Variants in GPSM2 observed in about 807,000 individuals in gnomAD.
GPSM2 encodes the protein G protein signaling modulator 2, also known as G protein-signaling modulator 2.
GPSM2 carries 58 observed loss-of-function variants against 78.4 expected under a neutral mutation model. The observed-to-expected ratio is 0.74, with a 90% CI of 0.60 to 0.92. The LOEUF (loss-of-function observed/expected upper bound fraction) is 0.92, where lower values mean the gene tolerates loss of function less well. Among genes scored for constraint, GPSM2 ranks in the 40% least tolerant of loss-of-function variants. The probability of loss-of-function intolerance (pLI) is 0.00; values close to 1 mark genes in which losing one functional copy is unlikely to be tolerated. For synonymous variants in GPSM2, 224 were observed against 280.2 expected, an observed-to-expected ratio of 0.80 and a Z score of 2.00; for missense variants, 700 against 815.5, an observed-to-expected ratio of 0.86 and a Z score of 1.73.
At chr1:108,912,523 C>T (rs1288064688) in intron 10 of GPSM2, among the ~76,000 whole-genome samples, 7 of 150,178 alleles carry the variant, frequency 4.7e-5, no homozygotes, top group African/African-American at 1.5e-4. Context: ...GCAGGAGGAT[C>T]GCTTGCATCC....
intron 1 of GPSM2, among the ~76,000 whole-genome samples, chr1:108,878,498 A>G (rs1665740628): frequency 6.6e-6 from 1 of 152,238 alleles, no homozygotes; most frequent in South Asian, 2.1e-4. Context: ...TCGGTGTTAC[A>G]AACATATTTT....
chr1:108,929,555 G>A (rs1451165321), intron 14 of GPSM2, 146 bp from the exon 15 acceptor site: 1 of 722,302 alleles, frequency 1.4e-6, no homozygotes, highest in Non-Finnish European at 2.4e-6. Flanking sequence ...GAACTAAAGA[G>A]AACAATATAA....
chr1:108,911,910 A>G (rs1649780099), intron 10 of GPSM2, among the ~76,000 whole-genome samples: 1 of 151,390 alleles, frequency 6.6e-6, no homozygotes, highest in Non-Finnish European at 1.5e-5. Context: ...GGCTCAAGCA[A>G]TCTGCCCACC....
Position 108,918,725 on chromosome 1 carries a change from C to T in GPSM2, c.1376C>T (p.Ser459Phe). Residue 459 changes from serine to phenylalanine, a missense_variant, in exon 12 of 15, where the codon TCC becomes TTC. Transcript: ENST00000264126. ...RLKGKKYKTN[S>F]STKVLQDASN... ...AAGGGGAAAAAATACAAAACGAATT[C>T]CTCCACTAAAGTTCTCCAAGATGCC... 4 of 1,613,242 alleles carry T rather than the reference C, an allele frequency of 2.5e-6. No individual in the cohort carries two copies. Among genetic ancestry groups the T allele is most frequent in the Non-Finnish European group, 3.4e-6 (4 of 1,179,252 alleles).
At chr1:108,924,581 G>A (rs1347542711) in intron 14 of GPSM2, among the ~76,000 whole-genome samples, 2 of 152,098 alleles carry the variant, frequency 1.3e-5, no homozygotes, top group Non-Finnish European at 2.9e-5. Flanking sequence ...TTTTAGGTAG[G>A]GTGGTTAGAG....
intron 14 of GPSM2, among the ~76,000 whole-genome samples, chr1:108,927,536 G>A (rs1398489051): frequency 6.6e-6 from 1 of 152,172 alleles, no homozygotes; most frequent in Non-Finnish European, 1.5e-5. Context: ...ACCATTCAGT[G>A]GGGGAAAAGA....
At chr1:108,910,127 G>A (rs1649616094) in intron 10 of GPSM2, 1 of 152,236 alleles carries the variant, frequency 6.6e-6, no homozygotes, top group Non-Finnish European at 1.5e-5. Flanking sequence ...TAAATATGCA[G>A]AGATTAAAAA....
chr1:108,921,480 A>G (rs777388056), intron 12 of GPSM2, among the ~76,000 whole-genome samples: 9 of 152,100 alleles, frequency 5.9e-5, no homozygotes, highest in African/African-American at 1.2e-4. Flanking sequence ...CTAGGCTTCA[A>G]TAGGTACCTG....
At chr1:108,897,183 T>A in intron 3 of GPSM2, 98 bp downstream of exon 3, 1 of 897,160 alleles carries the variant, frequency 1.1e-6, no homozygotes, top group Non-Finnish European at 1.8e-6. Context: ...TTAATACATT[T>A]AATGAGTTCT....
Position 108,898,705 on chromosome 1 carries a change from T to C in GPSM2, c.621T>C (p.Asn207=). The change falls in exon 6 of 15, where the codon AAT becomes AAC. Residue 207 remains asparagine, a synonymous_variant. Coordinates refer to ENST00000264126, the MANE Select transcript of GPSM2 (RefSeq NM_013296.5). ...CGGCACAAGGACGTGCCTTTGGAAA[T>C]CTTGGAAACACACATTACCTCCTTG... ...DRAAQGRAFG[N]LGNTHYLLGN... 6.2e-7 allele frequency: 1 copy of C among 1,613,992 alleles called. No individual in the cohort carries two copies. The highest frequency in any genetic ancestry group is 8.5e-7 in the Non-Finnish European group (1 of 1,179,890).
In GPSM2 at chr1:108,931,149, TA is replaced by T; in HGVS notation, c.*1211del. The stretch of plus-strand genomic sequence containing the variant: ...AATACTGCTGTAAAACAAACTTTTC[TA>T]AGTTCTAATATAAAAACAAAAAACA... On this transcript the variant is annotated 3_prime_UTR_variant, in exon 15 of 15. Transcript: ENST00000264126. The T allele has an allele frequency of 1.6e-6, 1 of 616,648 alleles. No homozygotes were observed. Among genetic ancestry groups the T allele is most frequent in the Non-Finnish European group, 2.6e-6 (1 of 389,268 alleles). The allele number at this position is 616,648 out of a possible 1,614,324, so 38.2% of individuals were successfully genotyped here.
intron 11 of GPSM2, among the ~76,000 whole-genome samples, chr1:108,916,493 G>GTCCAGCTCTTCTCTGTGAGTGGTTCTC (rs1650241137): frequency 6.6e-6 from 1 of 152,142 alleles, no homozygotes; most frequent in Non-Finnish European, 1.5e-5. Flanking sequence ...TTTCCCAAAT[G>GTCCAGCTCTTCTCTGTGAGTGGTTCTC]TCCAGCTCTT....
chr1:108,879,229 A>G (rs1311941966), intron 1 of GPSM2, among the ~76,000 whole-genome samples: 1 of 152,226 alleles, frequency 6.6e-6, no homozygotes, highest in Non-Finnish European at 1.5e-5. Context: ...TTTACTGTGG[A>G]GAAGAAATGT....
chr1:108,884,848 A>G (rs1236479019), intron 1 of GPSM2, among the ~76,000 whole-genome samples: 2 of 152,240 alleles, frequency 1.3e-5, no homozygotes, highest in Admixed American at 1.3e-4. Context: ...GAATCCAACT[A>G]TAACCGAAGT....
At chr1:108,895,474 T>C (rs1349612347) in intron 2 of GPSM2, among the ~76,000 whole-genome samples, 1 of 152,152 alleles carries the variant, frequency 6.6e-6, no homozygotes, top group Non-Finnish European at 1.5e-5. Context: ...TTGTAGCCTG[T>C]TAGGAGGTAA....
At chr1:108,919,637 G>A (rs1010350853) in intron 12 of GPSM2, among the ~76,000 whole-genome samples, 5 of 152,000 alleles carry the variant, frequency 3.3e-5, no homozygotes, top group African/African-American at 2.4e-5. Context: ...CCTAGGAGGT[G>A]GAGGTTGCAG....
intron 7 of GPSM2, among the ~76,000 whole-genome samples, chr1:108,900,657 C>T (rs978353617): frequency 2.6e-5 from 4 of 152,166 alleles, no homozygotes; most frequent in African/African-American, 9.6e-5. Flanking sequence ...AGAAAGATTT[C>T]TGATCATTTA....
In GPSM2 at chr1:108,931,667, C is replaced by T; in HGVS notation, c.*1727C>T. On this transcript the variant is annotated 3_prime_UTR_variant, in exon 15 of 15. Transcript: ENST00000264126. ...AAGTTCTAAATTACAACCTGGATTA[C>T]ATTATGTTTCATGTATACTATAAGG... 1 of 820,578 alleles carries T rather than the reference C, an allele frequency of 1.2e-6. No homozygotes were observed. The highest frequency in any genetic ancestry group is 1.8e-6 in the Non-Finnish European group (1 of 567,156). 50.8% of individuals were successfully genotyped at this position (820,578 alleles called of 1,614,324 possible).
At chr1:108,921,814 G>A (rs368041768) in intron 12 of GPSM2, among the ~76,000 whole-genome samples, 2 of 151,898 alleles carry the variant, frequency 1.3e-5, no homozygotes. Context: ...CCTCAGGCCC[G>A]TAACATTTTT....
Sources: allele counts gnomAD v4.1 joint callset (sites outside exome capture counted in the v4.1 genomes callset), GRCh38; gene constraint gnomAD v4.1.1; transcripts MANE v1.5; gene names NCBI Gene and HGNC (gene_info 2026-07-23, HGNC 2026-07-21).